The following SYNDIG1 variants were observed in gnomAD, a reference collection of about 807,000 sequenced individuals.
The protein encoded by SYNDIG1 is synapse differentiation-inducing gene protein 1.
Under a neutral mutation model 19.4 loss-of-function variants are expected in SYNDIG1, and 9 were observed. The ratio of observed to expected loss-of-function variants is 0.46; its 90% confidence interval spans 0.28 to 0.81. The LOEUF is 0.81. Ranked by LOEUF, SYNDIG1 falls within the 30% of genes least tolerant of loss-of-function variation. The pLI, the probability that SYNDIG1 is intolerant of heterozygous loss-of-function variation, is 0.12. For missense variants in SYNDIG1, 311 were observed against 343.3 expected (o/e 0.91, Z 0.74); for synonymous variants, 141 against 145.9 (o/e 0.97, Z 0.24).
At chr20:24,587,552 G>C (rs1432390505) in intron 3 of SYNDIG1, among the ~76,000 whole-genome samples, 1 of 152,278 alleles carries the variant, frequency 6.6e-6, no homozygotes, top group Non-Finnish European at 1.5e-5. Context: ...TCGTGGGGAA[G>C]CCGGCAGCTG....
intron 3 of SYNDIG1, among the ~76,000 whole-genome samples, chr20:24,660,711 C>T (rs1383750179): frequency 2.6e-5 from 4 of 152,264 alleles, no homozygotes; most frequent in Admixed American, 6.5e-5. Context: ...CGCTCACCTT[C>T]GCATCCCCAG....
At chr20:24,654,617 G>T (rs960879838) in intron 3 of SYNDIG1, among the ~76,000 whole-genome samples, 1 of 147,310 alleles carries the variant, frequency 6.8e-6, no homozygotes, top group Non-Finnish European at 1.5e-5. Flanking sequence ...AGAGAAGGAA[G>T]AGAGGGAGGG....
At chr20:24,637,883 G>C (rs2059331703) in intron 3 of SYNDIG1, among the ~76,000 whole-genome samples, 3 of 152,226 alleles carry the variant, frequency 2.0e-5, no homozygotes, top group African/African-American at 7.2e-5. Flanking sequence ...AGACTCCTCT[G>C]TGTAGTCAAG....
chr20:24,622,424 A>G lies in SYNDIG1; in HGVS notation c.618+37431A>G, dbSNP rs34150534. Among the ~76,000 whole-genome samples the G allele has an allele frequency of 5.6e-3, 849 of 152,350 alleles. 6 individuals are homozygous for G. Among genetic ancestry groups the G allele is most frequent in the Non-Finnish European group, 8.1e-3 (554 of 68,032 alleles). On this transcript the variant is annotated intron_variant, in intron 3 of 3. Coordinates refer to ENST00000376862, the MANE Select transcript of SYNDIG1 (RefSeq NM_024893.3). ...CAGGGGTCTCCAACCTCCAGGCCAC[A>G]GACCAGTACTGGTCCATGGCCTGTT...
intron 2 of SYNDIG1, among the ~76,000 whole-genome samples, chr20:24,555,965 C>G (rs2057806285): frequency 6.6e-6 from 1 of 152,104 alleles, no homozygotes; most frequent in Non-Finnish European, 1.5e-5. Flanking sequence ...TCACTCAGGA[C>G]TTGCTTTATG....
At chr20:24,545,535 G>A (rs577900800) in intron 2 of SYNDIG1, among the ~76,000 whole-genome samples, 7 of 152,174 alleles carry the variant, frequency 4.6e-5, no homozygotes, top group Non-Finnish European at 8.8e-5. Flanking sequence ...TCTGAAGAGG[G>A]TCTGGGGCCC....
At chr20:24,663,001 C>A (rs1186906644) in intron 3 of SYNDIG1, among the ~76,000 whole-genome samples, 1 of 152,200 alleles carries the variant, frequency 6.6e-6, no homozygotes, top group Admixed American at 6.5e-5. Flanking sequence ...TTGCACCCTG[C>A]CAAAGGAATG....
chr20:24,510,585 A>G (rs1050575328), intron 1 of SYNDIG1, among the ~76,000 whole-genome samples: 10 of 151,638 alleles, frequency 6.6e-5, no homozygotes, highest in African/African-American at 2.4e-4. Flanking sequence ...AAAAAAAAAA[A>G]GAAAAGAAAT....
intron 2 of SYNDIG1, among the ~76,000 whole-genome samples, chr20:24,560,519 A>C (rs1022490774): frequency 6.6e-6 from 1 of 151,498 alleles, no homozygotes; most frequent in African/African-American, 2.4e-5. Context: ...GTTACTTCTT[A>C]TGGGTTCTAT....
intron 3 of SYNDIG1, among the ~76,000 whole-genome samples, chr20:24,611,744 T>G (rs2058851916): frequency 6.6e-6 from 1 of 152,240 alleles, no homozygotes; most frequent in Admixed American, 6.5e-5. Flanking sequence ...CCCTTCCTTA[T>G]GCAGCATGGC....
chr20:24,666,611 G>A lies in SYNDIG1; in HGVS notation c.*1107G>A, dbSNP rs1197713743. On this transcript the variant is annotated 3_prime_UTR_variant, in exon 4 of 4. Transcript: ENST00000376862. ...TTTTTCGCTTAAGACTTTTCTTTCTGATGAATAGCTGTCGTTGGGTTTCAT... is the reference window on the plus strand; with the variant it reads ...TTTTTCGCTTAAGACTTTTCTTTCTAATGAATAGCTGTCGTTGGGTTTCAT... 1 of 152,398 alleles carries A rather than the reference G, an allele frequency of 6.6e-6. No individual in the cohort carries two copies. The highest frequency in any genetic ancestry group is 1.9e-4 in the East Asian group (1 of 5,204). 9.4% of individuals were successfully genotyped at this position (152,398 alleles called of 1,614,324 possible).
At chr20:24,536,322 G>A (rs2057360649) in intron 1 of SYNDIG1, among the ~76,000 whole-genome samples, 1 of 152,192 alleles carries the variant, frequency 6.6e-6, no homozygotes, top group Non-Finnish European at 1.5e-5. Flanking sequence ...ATTCAGAATG[G>A]ACATTTGTCT....
chr20:24,627,107 GGGGAGAGGGGGACCGTGGGGAGAGGGAGA>G (rs1380505375), intron 3 of SYNDIG1, among the ~76,000 whole-genome samples: 1 of 151,052 alleles, frequency 6.6e-6, no homozygotes, highest in East Asian at 1.9e-4. Context: ...GGGGGACCGT[GGGGAGAGGGGGACCGTGGGGAGAGGGAGA>G]GGGAGAGGGA....
intron 2 of SYNDIG1, among the ~76,000 whole-genome samples, chr20:24,581,655 C>T (rs541785890): frequency 5.3e-5 from 8 of 152,176 alleles, no homozygotes; most frequent in South Asian, 2.1e-4. Flanking sequence ...TGAGGTGCAG[C>T]GGGGCAGATA....
intron 3 of SYNDIG1, among the ~76,000 whole-genome samples, chr20:24,649,079 G>A (rs975681054): frequency 2.0e-5 from 3 of 152,186 alleles, no homozygotes; most frequent in Non-Finnish European, 4.4e-5. Flanking sequence ...TGAATGCAAA[G>A]TTCTGTGAAA....
intron 2 of SYNDIG1, among the ~76,000 whole-genome samples, chr20:24,584,308 A>T (rs930316818): frequency 6.6e-6 from 1 of 152,222 alleles, no homozygotes; most frequent in Non-Finnish European, 1.5e-5. Flanking sequence ...TCAGGGGACA[A>T]TGTCCTCCGT....
intron 3 of SYNDIG1, among the ~76,000 whole-genome samples, chr20:24,606,425 C>T (rs1018937322): frequency 1.3e-5 from 2 of 152,162 alleles, no homozygotes; most frequent in Non-Finnish European, 2.9e-5. Context: ...AGATAATTAC[C>T]CCAGATTTCA....
At position 24,603,918 on chromosome 20, in the gene SYNDIG1, G is replaced by A. The variant is rs145752525; in HGVS notation, c.618+18925G>A. 2.8e-4 allele frequency among the ~76,000 whole-genome samples: 43 copies of A among 152,292 alleles called. No individual in the cohort carries two copies. The East Asian group carries it at 7.9e-3, about 28-fold the overall frequency. On this transcript the variant is annotated intron_variant, in intron 3 of 3. Coordinates refer to ENST00000376862, the MANE Select transcript of SYNDIG1 (RefSeq NM_024893.3). ...TCCACTCAACTGCCCCCAACCAGGA[G>A]CACATTCACAGTCAACCTTTGCCTG...
intron 3 of SYNDIG1, among the ~76,000 whole-genome samples, chr20:24,607,737 C>G (rs147710243): frequency 1.9e-4 from 29 of 152,354 alleles, no homozygotes; most frequent in African/African-American, 7.0e-4. Flanking sequence ...AGTTGGAGAA[C>G]CTTCTATCAA....
Sources: allele counts gnomAD v4.1 joint callset (sites outside exome capture counted in the v4.1 genomes callset), GRCh38; gene constraint gnomAD v4.1.1; transcripts MANE v1.5; gene names NCBI Gene and HGNC (gene_info 2026-07-23, HGNC 2026-07-21).